ROBO1: variants seen among roughly 807,000 people sequenced by gnomAD.
The protein encoded by ROBO1 is roundabout guidance receptor 1, also known as roundabout homolog 1.
A neutral mutation model predicts 195.9 loss-of-function variants in ROBO1; 149 were observed. The ratio of observed to expected loss-of-function variants is 0.76; its 90% CI spans 0.67 to 0.87. ROBO1 has a LOEUF of 0.87. ROBO1 is among the 40% of genes least tolerant of loss of function. ROBO1 has a pLI of 0.00. For missense variants in ROBO1, 1,933 were observed against 2,068.3 expected, an observed-to-expected ratio of 0.93 and a Z score of 1.27; for synonymous variants, 816 against 733.2, an observed-to-expected ratio of 1.11 and a Z score of -1.82.
chr3:78,630,516 G>A (rs185705827), intron 25 of ROBO1, among the ~76,000 whole-genome samples: 209 of 152,220 alleles, frequency 1.4e-3, no homozygotes, highest in Middle Eastern at 0.01. Flanking sequence ...TATATTTTAC[G>A]ATTTATTCGT....
At chr3:79,712,483 A>G (rs1027813131) in intron 1 of ROBO1, among the ~76,000 whole-genome samples, 3 of 152,156 alleles carry the variant, frequency 2.0e-5, no homozygotes, top group African/African-American at 7.2e-5. Flanking sequence ...GGAGAAAGCT[A>G]TAGAAGAAGA....
intron 2 of ROBO1, among the ~76,000 whole-genome samples, chr3:79,441,612 C>T (rs955327692): frequency 6.6e-6 from 1 of 151,994 alleles, no homozygotes; most frequent in Non-Finnish European, 1.5e-5. Context: ...CTCCTTAGTC[C>T]TTCAAATAAC....
At chr3:78,604,148 G>T (rs1211134138) in intron 29 of ROBO1, among the ~76,000 whole-genome samples, 1 of 152,018 alleles carries the variant, frequency 6.6e-6, no homozygotes. Flanking sequence ...TTGGCTCACT[G>T]CAATCTCCTC....
intron 4 of ROBO1, among the ~76,000 whole-genome samples, chr3:78,747,633 A>C (rs2082689143): frequency 6.6e-6 from 1 of 152,114 alleles, no homozygotes; most frequent in Non-Finnish European, 1.5e-5. Flanking sequence ...TCAGAATGAG[A>C]GATATTATTA....
At chr3:79,590,399 T>G (rs1943962045) in intron 1 of ROBO1, among the ~76,000 whole-genome samples, 1 of 151,764 alleles carries the variant, frequency 6.6e-6, no homozygotes, top group Non-Finnish European at 1.5e-5. Context: ...AACAAAAAAC[T>G]TGCTCTTCAC....
intron 2 of ROBO1, among the ~76,000 whole-genome samples, chr3:79,206,581 TC>T (rs1249363267): frequency 3.3e-5 from 5 of 152,126 alleles, no homozygotes; most frequent in African/African-American, 1.2e-4. Context: ...TTGAAACATA[TC>T]CCCTGAGGAC....
chr3:78,989,089 C>G (rs1227002509), intron 3 of ROBO1, among the ~76,000 whole-genome samples: 1 of 151,964 alleles, frequency 6.6e-6, no homozygotes, highest in African/African-American at 2.4e-5. Context: ...CATTCTATAC[C>G]ACTGTAAAGT....
intron 2 of ROBO1, among the ~76,000 whole-genome samples, chr3:79,399,962 G>GTGACC (rs2037302882): frequency 1.3e-5 from 2 of 152,102 alleles, no homozygotes; most frequent in African/African-American, 4.8e-5. Flanking sequence ...AGACCCTTGT[G>GTGACC]TAGCAAAAGA....
At chr3:78,874,483 G>A (rs191326181) in intron 4 of ROBO1, among the ~76,000 whole-genome samples, 17 of 151,486 alleles carry the variant, frequency 1.1e-4, no homozygotes, top group East Asian at 3.9e-4. Flanking sequence ...CTAATACACC[G>A]TAATAATACA....
intron 2 of ROBO1, among the ~76,000 whole-genome samples, chr3:79,182,321 G>T (rs755925208): frequency 1.8e-4 from 27 of 152,124 alleles, no homozygotes; most frequent in Non-Finnish European, 3.8e-4. Context: ...CTGACTGACT[G>T]CCAAGCTCCA....
rs185153798 is a variant in ROBO1, at chr3:78,697,225, C to T, written c.1046-8453G>A. ...AGGTATAAATAAGATAAGAAGAGAGCAAGGAAGTAAAAGAAAGGAAGGAAG... is the reference window on the plus strand; with the variant it reads ...AGGTATAAATAAGATAAGAAGAGAGTAAGGAAGTAAAAGAAAGGAAGGAAG... On this transcript the variant is annotated intron_variant, in intron 8 of 30. Coordinates refer to ENST00000464233, the MANE Select transcript of ROBO1 (RefSeq NM_002941.4). Among the ~76,000 whole-genome samples, 638 of 135,252 alleles carry T rather than the reference C, an allele frequency of 4.7e-3. 1 individual carries two copies. The highest frequency in any genetic ancestry group is 7.0e-3 in the Non-Finnish European group (446 of 63,520). The allele number at this position is 135,252 out of a possible 152,430, so 88.7% of individuals were successfully genotyped here. A position where few individuals can be genotyped will look rare whatever the true frequency, so the allele number is the denominator to read the frequency against.
chr3:79,535,442 C>T (rs1346660826), intron 2 of ROBO1, among the ~76,000 whole-genome samples: 1 of 152,122 alleles, frequency 6.6e-6, no homozygotes, highest in Non-Finnish European at 1.5e-5. Context: ...ACATTTTCCT[C>T]TCAAAGTTTA....
At chr3:79,669,658 A>T (rs1364089144) in intron 1 of ROBO1, among the ~76,000 whole-genome samples, 4 of 151,830 alleles carry the variant, frequency 2.6e-5, no homozygotes, top group Non-Finnish European at 5.9e-5. Flanking sequence ...TGAAGCTCAC[A>T]TTTCTCAGAA....
At chr3:79,115,960 C>A (rs1310748108) in intron 3 of ROBO1, among the ~76,000 whole-genome samples, 2 of 152,164 alleles carry the variant, frequency 1.3e-5, no homozygotes, top group South Asian at 2.1e-4. Flanking sequence ...TAATGACCAG[C>A]CAAAATATTC....
At chr3:79,760,624 AAC>A (rs1553650387) in intron 1 of ROBO1, among the ~76,000 whole-genome samples, 45 of 151,494 alleles carry the variant, frequency 3.0e-4, no homozygotes, top group Non-Finnish European at 4.6e-4. Flanking sequence ...AAAAAAAAAA[AAC>A]CTGAATGTTC....
chr3:79,159,443 G>A (rs1454379523), intron 2 of ROBO1, among the ~76,000 whole-genome samples: 1 of 151,910 alleles, frequency 6.6e-6, no homozygotes, highest in African/African-American at 2.4e-5. Flanking sequence ...TTGTGCTCCT[G>A]AGGAACTTGG....
chr3:79,670,253 T>A (rs894974996), intron 1 of ROBO1, among the ~76,000 whole-genome samples: 19 of 151,906 alleles, frequency 1.3e-4, no homozygotes, highest in African/African-American at 4.1e-4. Flanking sequence ...TCAGTTTATT[T>A]AGAAAATTTT....
At chr3:79,003,628 G>A (rs2077556331) in intron 3 of ROBO1, among the ~76,000 whole-genome samples, 1 of 152,042 alleles carries the variant, frequency 6.6e-6, no homozygotes, top group African/African-American at 2.4e-5. Context: ...CAAAGAAATT[G>A]TACGCATTTT....
At chr3:78,868,454 T>C (rs1390130096) in intron 4 of ROBO1, among the ~76,000 whole-genome samples, 1 of 152,154 alleles carries the variant, frequency 6.6e-6, no homozygotes, top group African/African-American at 2.4e-5. Flanking sequence ...AAATTTAATA[T>C]GTGTTTAAAA....
Sources: allele counts gnomAD v4.1 joint callset (sites outside exome capture counted in the v4.1 genomes callset), GRCh38; gene constraint gnomAD v4.1.1; transcripts MANE v1.5; gene names NCBI Gene and HGNC (gene_info 2026-07-23, HGNC 2026-07-21).